Variants in DNAJB6 observed in about 807,000 individuals in gnomAD.
DNAJB6 encodes dnaJ homolog subfamily B member 6.
Under a neutral mutation model 42.7 loss-of-function variants are expected in DNAJB6, and 16 were observed. The observed-to-expected ratio is 0.37, with a 90% confidence interval of 0.25 to 0.57. The LOEUF is 0.57. Ranked by LOEUF, DNAJB6 falls within the 20% of genes least tolerant of loss-of-function variation. The pLI, the probability that DNAJB6 is intolerant of heterozygous loss-of-function variation, is 0.74. For synonymous variants in DNAJB6, 170 were observed against 163.5 expected, an observed-to-expected ratio of 1.04 and a Z score of -0.30; for missense variants, 347 against 416.8, an observed-to-expected ratio of 0.83 and a Z score of 1.46.
intron 8 of DNAJB6, among the ~76,000 whole-genome samples, chr7:157,392,359 G>GGTT (rs1554465684): frequency 1.5e-4 from 20 of 137,890 alleles, no homozygotes; most frequent in East Asian, 4.3e-4. Flanking sequence ...TTGAAAGTGG[G>GGTT]TTTTTTTTTT....
intron 8 of DNAJB6, among the ~76,000 whole-genome samples, chr7:157,404,028 G>A (rs927937600): frequency 6.6e-5 from 10 of 151,862 alleles, no homozygotes; most frequent in African/African-American, 2.4e-4. Flanking sequence ...GTGCAGTGGT[G>A]CGATCACAGC....
intron 1 of DNAJB6, among the ~76,000 whole-genome samples, chr7:157,352,722 T>C (rs1401065273): frequency 6.6e-6 from 1 of 152,134 alleles, no homozygotes; most frequent in Non-Finnish European, 1.5e-5. Context: ...GCACTTAGGA[T>C]ATTCTAGATG....
chr7:157,404,249 C>T (rs531520127), intron 8 of DNAJB6, among the ~76,000 whole-genome samples: 17 of 151,492 alleles, frequency 1.1e-4, no homozygotes, highest in African/African-American at 4.1e-4. Flanking sequence ...GCTGGGATGA[C>T]AGGTGTGAGC....
chr7:157,358,716 C>A, intron 2 of DNAJB6, 79 bp downstream of exon 2: 1 of 1,179,164 alleles, frequency 8.5e-7, no homozygotes, highest in Non-Finnish European at 1.3e-6. Flanking sequence ...CTTCTATTGC[C>A]TATGAAAATG....
In DNAJB6 at chr7:157,341,974, C is replaced by T. The variant is rs573867664; in HGVS notation, c.-27+4830C>T. 6.6e-5 allele frequency among the ~76,000 whole-genome samples: 10 copies of T among 152,206 alleles called. No homozygotes were observed. The South Asian group carries it at 1.2e-3, about 19-fold the overall frequency. The stretch of plus-strand genomic sequence containing the variant: ...CTCCACCTCTGGGGTTCAAGCGATT[C>T]TCCTGCCTCAGCCTCCCTGGTAGCT... On this transcript the variant is annotated intron_variant, in intron 1 of 9. Coordinates refer to ENST00000262177, the MANE Select transcript of DNAJB6 (RefSeq NM_058246.4).
intron 3 of DNAJB6, 134 bp downstream of exon 3, chr7:157,363,404 T>C (rs1799702386): frequency 3.6e-6 from 2 of 555,228 alleles, no homozygotes; most frequent in East Asian, 6.1e-5. Flanking sequence ...TTTTGGGCCC[T>C]TCTAAGAGAT....
chr7:157,409,445 C>G (rs1795891568), intron 8 of DNAJB6, among the ~76,000 whole-genome samples: 1 of 152,250 alleles, frequency 6.6e-6, no homozygotes, highest in Admixed American at 6.5e-5. Context: ...GGTGGCTCAG[C>G]TGGCTGGTTT....
At chr7:157,400,660 GC>G (rs1440312238) in intron 8 of DNAJB6, among the ~76,000 whole-genome samples, 1 of 152,342 alleles carries the variant, frequency 6.6e-6, no homozygotes, top group East Asian at 1.9e-4. Context: ...CGGGGCTCTT[GC>G]GTCCGCCTGG....
chr7:157,374,218 C>T (rs1427079038), intron 5 of DNAJB6, among the ~76,000 whole-genome samples: 1 of 152,052 alleles, frequency 6.6e-6, no homozygotes, highest in Non-Finnish European at 1.5e-5. Flanking sequence ...TGGTTGTGTG[C>T]GTATTTGAGA....
chr7:157,380,164 C>A (rs1167206321), intron 5 of DNAJB6: 1 of 152,154 alleles, frequency 6.6e-6, no homozygotes, highest in African/African-American at 2.4e-5. Context: ...AGAGTTACCG[C>A]ATAATCAGTT....
chr7:157,343,052 C>T (rs866736140), intron 1 of DNAJB6, among the ~76,000 whole-genome samples: 3 of 151,272 alleles, frequency 2.0e-5, no homozygotes, highest in Non-Finnish European at 4.4e-5. Context: ...AGTGCAGCGG[C>T]GTGATCTTGG....
chr7:157,376,012 C>T (rs1324757922), intron 5 of DNAJB6, among the ~76,000 whole-genome samples: 1 of 152,116 alleles, frequency 6.6e-6, no homozygotes, highest in African/African-American at 2.4e-5. Context: ...GCAGGCCTCT[C>T]CTGGGCCGCG....
intron 2 of DNAJB6, among the ~76,000 whole-genome samples, chr7:157,359,641 A>G (rs1799479487): frequency 6.6e-6 from 1 of 152,204 alleles, no homozygotes; most frequent in African/African-American, 2.4e-5. Flanking sequence ...CTGGGCAACA[A>G]AATGAGATAC....
chr7:157,385,529 T>G lies in DNAJB6; in HGVS notation c.621-12T>G, dbSNP rs1584927898. ...TACCAGAAAGGTTTTTAAATGAATT[T>G]TTTTCCTACAGAATTGTCGAGAACG... is the stretch of plus-strand genomic sequence containing the variant. On this transcript the variant is annotated splice_polypyrimidine_tract_variant and intron_variant, in intron 7 of 9. Transcript: ENST00000262177. 6.2e-7 allele frequency: 1 copy of G among 1,609,864 alleles called. No homozygotes were observed. Among genetic ancestry groups the G allele is most frequent in the East Asian group, 2.2e-5 (1 of 44,802 alleles).
chr7:157,371,041 A>G (rs991845888), intron 5 of DNAJB6, among the ~76,000 whole-genome samples: 7 of 152,196 alleles, frequency 4.6e-5, no homozygotes, highest in Admixed American at 1.3e-4. Flanking sequence ...CCCACCTCCT[A>G]TCAGCTCAGT....
intron 8 of DNAJB6, among the ~76,000 whole-genome samples, chr7:157,397,531 G>A (rs910911563): frequency 9.9e-5 from 15 of 152,198 alleles, no homozygotes; most frequent in African/African-American, 2.7e-4. Context: ...AATCCAACAG[G>A]AGACTTTCCT....
intron 5 of DNAJB6, chr7:157,378,226 GT>G (rs910060348): frequency 6.6e-6 from 1 of 152,210 alleles, no homozygotes; most frequent in African/African-American, 2.4e-5. Context: ...CACCTCACTG[GT>G]TGTGGTTCTT....
At chr7:157,347,342 G>C (rs1273578303) in intron 1 of DNAJB6, among the ~76,000 whole-genome samples, 1 of 152,190 alleles carries the variant, frequency 6.6e-6, no homozygotes, top group Non-Finnish European at 1.5e-5. Flanking sequence ...CCACGATACA[G>C]GCTAGCATGA....
chr7:157,388,137 C>T lies in DNAJB6; in HGVS notation c.691+2526C>T, dbSNP rs183148671. 4.3e-3 allele frequency among the ~76,000 whole-genome samples: 648 copies of T among 152,296 alleles called. 11 individuals carry two copies. Among genetic ancestry groups the T allele is most frequent in the Admixed American group, 0.033 (507 of 15,298 alleles). On this transcript the variant is annotated intron_variant, in intron 8 of 9. Transcript: ENST00000262177. ...CTGGGATTACAGGCGTGAGCCACTG[C>T]GCCTGGCTGAGAAAATTACTTTTAT...
Sources: gnomAD v4.1 joint callset for allele counts (sites outside exome capture counted in the v4.1 genomes callset) on GRCh38, gnomAD v4.1.1 for gene constraint, MANE v1.5 for transcripts, NCBI Gene and HGNC (gene_info 2026-07-23, HGNC 2026-07-21) for gene names.